Variants in ANP32A observed in about 807,000 individuals in gnomAD.
ANP32A encodes the protein acidic nuclear phosphoprotein 32 family member A.
A neutral mutation model predicts 33.9 loss-of-function variants in ANP32A; 1 was observed. The observed-to-expected ratio is 0.03, with a 90% CI of 0.01 to 0.14. The LOEUF (loss-of-function observed/expected upper bound fraction) is 0.14, where lower values mean the gene tolerates loss of function less well. Among genes scored for constraint, ANP32A ranks in the 10% least tolerant of loss-of-function variants. The pLI, the probability that ANP32A is intolerant of heterozygous loss-of-function variation, is 1.00. For missense variants in ANP32A, 155 were observed against 306.0 expected, an observed-to-expected ratio of 0.51 and a Z score of 3.68; for synonymous variants, 115 against 120.5, an observed-to-expected ratio of 0.95 and a Z score of 0.30.
chr15:68,804,763 T>G (rs1412207236), intron 1 of ANP32A, among the ~76,000 whole-genome samples: 5 of 152,242 alleles, frequency 3.3e-5, no homozygotes, highest in African/African-American at 1.2e-4. Context: ...TCCACCTGCC[T>G]CGACCTCCCA....
intron 1 of ANP32A, among the ~76,000 whole-genome samples, chr15:68,799,639 C>G (rs182686948): frequency 6.6e-6 from 1 of 152,152 alleles, no homozygotes; most frequent in South Asian, 2.1e-4. Flanking sequence ...GATGAGCCAT[C>G]GAAGGCTGTG....
At chr15:68,794,473 T>C (rs2958410) in intron 1 of ANP32A, among the ~76,000 whole-genome samples, 145,882 of 152,330 alleles carry the variant, frequency 0.96, 69,940 homozygotes, top group Middle Eastern at 0.99. Flanking sequence ...AGTCCCTGAC[T>C]AATTTGGTTT....
chr15:68,787,392 G>A (rs1269359724), intron 3 of ANP32A, 21 bp downstream of exon 3: 1 of 1,614,112 alleles, frequency 6.2e-7, no homozygotes, highest in Non-Finnish European at 8.5e-7. Flanking sequence ...CTGCAGGGAG[G>A]GGAGGGTCCG....
At chr15:68,785,033 T>C (rs567421837) in intron 3 of ANP32A, among the ~76,000 whole-genome samples, 5 of 152,330 alleles carry the variant, frequency 3.3e-5, no homozygotes, top group African/African-American at 1.2e-4. Context: ...ATAATGATGA[T>C]GATAAGGGCG....
intron 1 of ANP32A, among the ~76,000 whole-genome samples, chr15:68,795,259 ATTAC>A (rs1446063547): frequency 5.3e-5 from 8 of 152,328 alleles, no homozygotes; most frequent in African/African-American, 1.9e-4. Flanking sequence ...AGAGTCCCCT[ATTAC>A]TTTAAAACAA....
intron 1 of ANP32A, among the ~76,000 whole-genome samples, chr15:68,811,053 CTCTG>C (rs1218177425): frequency 8.4e-6 from 1 of 118,902 alleles, no homozygotes; most frequent in African/African-American, 3.0e-5. Context: ...CAGAGTGAGA[CTCTG>C]TCTGGGAAAA....
chr15:68,818,053 A>C (rs529803186), intron 1 of ANP32A, among the ~76,000 whole-genome samples: 4 of 152,094 alleles, frequency 2.6e-5, no homozygotes, highest in Non-Finnish European at 4.4e-5. Flanking sequence ...TAAATAAATA[A>C]AAATAAATAA....
Position 68,820,647 on chromosome 15 carries a change from C to CAT in ANP32A, c.54+50_54+51insAT, listed in dbSNP as rs1894461711. The CAT allele has an allele frequency of 1.8e-5, 29 of 1,570,066 alleles. No homozygotes were observed. In the South Asian group the frequency reaches 2.9e-4, roughly 16 times the overall value. ...CCCCCAGCGCGCACACACACACACA[C>CAT]ACACAAAGTAGGAGAATGGACCGAC... On this transcript the variant is annotated intron_variant, in intron 1 of 6. Transcript: ENST00000465139.
At chr15:68,808,062 C>T (rs1490721054) in intron 1 of ANP32A, among the ~76,000 whole-genome samples, 1 of 152,192 alleles carries the variant, frequency 6.6e-6, no homozygotes, top group Non-Finnish European at 1.5e-5. Flanking sequence ...GATCCCTGAA[C>T]CCCAGCAGAT....
At chr15:68,785,367 T>TA (rs145866561) in intron 3 of ANP32A, among the ~76,000 whole-genome samples, 4,929 of 152,252 alleles carry the variant, frequency 0.032, 212 homozygotes, top group East Asian at 0.19. Flanking sequence ...TGAAGGGTCA[T>TA]ACTGCTTGCA....
At chr15:68,809,519 T>A (rs1415361274) in intron 1 of ANP32A, among the ~76,000 whole-genome samples, 1 of 152,188 alleles carries the variant, frequency 6.6e-6, no homozygotes, top group African/African-American at 2.4e-5. Flanking sequence ...TCCATATTTA[T>A]AGGTAGTGTA....
intron 1 of ANP32A, among the ~76,000 whole-genome samples, chr15:68,797,697 T>C (rs1190407282): frequency 1.3e-5 from 2 of 152,214 alleles, no homozygotes; most frequent in Non-Finnish European, 2.9e-5. Context: ...TGTTACGGTT[T>C]ACAAAGTGCT....
chr15:68,813,926 GTGGCACGA>G (rs1342471599), intron 1 of ANP32A, among the ~76,000 whole-genome samples: 1 of 146,450 alleles, frequency 6.8e-6, no homozygotes, highest in Non-Finnish European at 1.5e-5. Flanking sequence ...CCGGAGTGCA[GTGGCACGA>G]TCTCTGCTCA....
intron 1 of ANP32A, among the ~76,000 whole-genome samples, chr15:68,816,393 CGAT>C (rs1894382321): frequency 6.6e-6 from 1 of 151,986 alleles, no homozygotes; most frequent in Non-Finnish European, 1.5e-5. Flanking sequence ...TGCACAATGA[CGAT>C]GATAATAATA....
Position 68,787,177 on chromosome 15 carries a change from G to A in ANP32A, c.327+236C>T, listed in dbSNP as rs536919934. The A allele has an allele frequency of 1.0e-3, 550 of 531,310 alleles. 1 individual carries two copies. Among genetic ancestry groups the A allele is most frequent in the Non-Finnish European group, 1.5e-3 (443 of 301,818 alleles). The allele number at this position is 531,310 out of a possible 1,614,324, so 32.9% of individuals were successfully genotyped here. On this transcript the variant is annotated intron_variant, in intron 3 of 6. Coordinates refer to ENST00000465139, the MANE Select transcript of ANP32A (RefSeq NM_006305.4). ...CCAGAAATTGAAACTAGGGTTCTAC[G>A]CTACCCGTACAATAGCTGCCCATTC...
chr15:68,783,759 A>ACCACACTG (rs1282398227), intron 4 of ANP32A, among the ~76,000 whole-genome samples: 2 of 152,060 alleles, frequency 1.3e-5, no homozygotes, highest in African/African-American at 2.4e-5. Context: ...TCGACTACAC[A>ACCACACTG]CCACACTGCC....
At chr15:68,818,725 C>A (rs1351974072) in intron 1 of ANP32A, among the ~76,000 whole-genome samples, 1 of 151,954 alleles carries the variant, frequency 6.6e-6, no homozygotes, top group African/African-American at 2.4e-5. Context: ...CCAGCCGCGC[C>A]CCCGCACCCA....
At position 68,780,201 on chromosome 15, in the gene ANP32A, C is replaced by T; in HGVS notation, c.689-59G>A. The T allele has an allele frequency of 6.2e-7, 1 of 1,603,080 alleles. No individual in the cohort carries two copies. Among genetic ancestry groups the T allele is most frequent in the Non-Finnish European group, 8.5e-7 (1 of 1,173,370 alleles). On this transcript the variant is annotated intron_variant, in intron 6 of 6. Transcript: ENST00000465139. The surrounding 1 kb of genome is among the most constrained non-coding windows in gnomAD (Gnocchi z 4.3). ...TATTAATCCCACCTCTTTAACTCAACCCACCCAGTGAGAAGTCAGGGGACC... is the reference window on the plus strand; with the variant it reads ...TATTAATCCCACCTCTTTAACTCAATCCACCCAGTGAGAAGTCAGGGGACC...
chr15:68,787,287 C>G (rs1025140002), intron 3 of ANP32A, 126 bp downstream of exon 3: 16 of 1,355,294 alleles, frequency 1.2e-5, no homozygotes, highest in Non-Finnish European at 1.7e-5. Context: ...TCAATTCTAT[C>G]TCATAGCACA....
Sources: gnomAD v4.1 joint callset for allele counts (sites outside exome capture counted in the v4.1 genomes callset) on GRCh38, gnomAD v4.1.1 for gene constraint, Gnocchi (gnomAD v3.1) non-coding constraint, MANE v1.5 for transcripts, NCBI Gene and HGNC (gene_info 2026-07-23, HGNC 2026-07-21) for gene names.